The following KDM5A variants were observed in gnomAD, a reference collection of about 807,000 sequenced individuals.
KDM5A encodes the protein lysine demethylase 5A.
In KDM5A, 42 loss-of-function variants were observed where a neutral mutation model predicts 193.5. The observed-to-expected ratio is 0.22, with a 90% CI of 0.17 to 0.28. The LOEUF (loss-of-function observed/expected upper bound fraction) is 0.28, where lower values mean the gene tolerates loss of function less well. Among genes scored for constraint, KDM5A ranks in the 10% least tolerant of loss-of-function variants. The pLI, the probability that KDM5A is intolerant of heterozygous loss-of-function variation, is 1.00. For missense variants in KDM5A, 1,692 were observed against 2,055.1 expected, an observed-to-expected ratio of 0.82 and a Z score of 3.42; for synonymous variants, 796 against 718.1, an observed-to-expected ratio of 1.11 and a Z score of -1.73.
At chr12:384,814 C>T (rs1205146705) in intron 2 of KDM5A, among the ~76,000 whole-genome samples, 1 of 152,226 alleles carries the variant, frequency 6.6e-6, no homozygotes, top group Non-Finnish European at 1.5e-5. Context: ...GTAACATGCA[C>T]ACTTTAGGTG....
chr12:327,157 G>C (rs1295003954), intron 14 of KDM5A, among the ~76,000 whole-genome samples: 1 of 152,166 alleles, frequency 6.6e-6, no homozygotes, highest in Non-Finnish European at 1.5e-5. Flanking sequence ...TTAAAGAAGG[G>C]TCTATAGAGA....
At chr12:292,391 C>A (rs980760614) in intron 27 of KDM5A, among the ~76,000 whole-genome samples, 3 of 152,074 alleles carry the variant, frequency 2.0e-5, no homozygotes, top group Non-Finnish European at 4.4e-5. Context: ...TTTTTTCAGG[C>A]CATTGTGACT....
rs1943625777 is a variant in KDM5A, at chr12:314,431, G to A, written c.2898-1237C>T. Among the ~76,000 whole-genome samples, 4 of 152,008 alleles carry A rather than the reference G, an allele frequency of 2.6e-5. No individual in the cohort carries two copies. The South Asian group carries it at 6.2e-4, about 24-fold the overall frequency. On this transcript the variant is annotated intron_variant, in intron 19 of 27. Coordinates refer to ENST00000399788, the MANE Select transcript of KDM5A (RefSeq NM_001042603.3). ...AGGATGGTCTCCATCTCCTGACCTC[G>A]TGATTCTCCTGCCTCAGCCTCCCAA... is the stretch of plus-strand genomic sequence containing the variant.
intron 24 of KDM5A, among the ~76,000 whole-genome samples, chr12:298,667 C>T (rs146566687): frequency 6.6e-6 from 1 of 152,184 alleles, no homozygotes; most frequent in African/African-American, 2.4e-5. Flanking sequence ...ATCTCCTCGC[C>T]AGCAAAGGAA....
At chr12:381,782 G>C (rs560811345) in intron 3 of KDM5A, among the ~76,000 whole-genome samples, 1 of 150,790 alleles carries the variant, frequency 6.6e-6, no homozygotes, top group South Asian at 2.1e-4. Flanking sequence ...ATTTTAAAAT[G>C]TATCATAAAA....
At chr12:371,656 T>C (rs917525359) in intron 3 of KDM5A, among the ~76,000 whole-genome samples, 5 of 152,212 alleles carry the variant, frequency 3.3e-5, no homozygotes, top group African/African-American at 9.6e-5. Flanking sequence ...TTGCTTTTGG[T>C]GTTTTAGACA....
At chr12:331,785 T>C (rs369020951) in intron 13 of KDM5A, 34 bp downstream of exon 13, 152 of 1,612,952 alleles carry the variant, frequency 9.4e-5, no homozygotes, top group Middle Eastern at 1.6e-4. Flanking sequence ...GGGGGGTTAG[T>C]AGACGTACAA....
chr12:311,127 T>C, intron 20 of KDM5A, 63 bp from the exon 21 acceptor site: 1 of 1,440,858 alleles, frequency 6.9e-7, no homozygotes, highest in Non-Finnish European at 9.8e-7. Context: ...AATATACTGT[T>C]GAAAGACCTT....
chr12:350,629 C>G lies in KDM5A; in HGVS notation c.1300G>C (p.Glu434Gln), dbSNP rs777746609. ...VKDGRRKILP[E>Q]EEEYALSGWN... ...TTTGGATAAATCTGCACCTCTTCTTCTGGCAGAATCTTTCTCCGCCCATCC... is the reference window on the plus strand; with the variant it reads ...TTTGGATAAATCTGCACCTCTTCTTGTGGCAGAATCTTTCTCCGCCCATCC... Residue 434 changes from glutamate to glutamine, a missense_variant, in exon 10 of 28, where the codon GAA (glutamate) becomes CAA (glutamine). Glu to Gln is a conservative substitution (Grantham distance 29). Transcript: ENST00000399788. 1 of 1,613,998 alleles carries G rather than the reference C, an allele frequency of 6.2e-7. No individual in the cohort carries two copies. The highest frequency in any genetic ancestry group is 8.5e-7 in the Non-Finnish European group (1 of 1,179,974).
At chr12:290,501 AGAT>A (rs144750996) in intron 27 of KDM5A, among the ~76,000 whole-genome samples, 4,419 of 152,310 alleles carry the variant, frequency 0.029, 83 homozygotes, top group Middle Eastern at 0.044. Flanking sequence ...ATCAAAATGT[AGAT>A]GATAACTCTA....
intron 10 of KDM5A, among the ~76,000 whole-genome samples, chr12:337,803 C>T (rs993120433): frequency 3.3e-5 from 5 of 151,852 alleles, no homozygotes; most frequent in Admixed American, 1.3e-4. Context: ...CCACCATGCC[C>T]GGCTAATTTT....
intron 10 of KDM5A, among the ~76,000 whole-genome samples, chr12:336,956 T>G (rs138717229): frequency 6.6e-6 from 1 of 152,182 alleles, no homozygotes; most frequent in Non-Finnish European, 1.5e-5. Context: ...TGGATTGTGA[T>G]ATGGTTTGGA....
At chr12:287,763 A>T (rs1195443875) in intron 27 of KDM5A, among the ~76,000 whole-genome samples, 1 of 152,142 alleles carries the variant, frequency 6.6e-6, no homozygotes, top group East Asian at 1.9e-4. Flanking sequence ...TTCTTAATCC[A>T]GTCTAGTCCC....
chr12:329,773 A>T (rs990947908), intron 13 of KDM5A, among the ~76,000 whole-genome samples: 1 of 152,190 alleles, frequency 6.6e-6, no homozygotes, highest in Non-Finnish European at 1.5e-5. Context: ...ATCAAGCTAC[A>T]AACCAAATTA....
At chr12:350,998 C>T (rs1444618908) in intron 9 of KDM5A, among the ~76,000 whole-genome samples, 1 of 152,138 alleles carries the variant, frequency 6.6e-6, no homozygotes, top group Non-Finnish European at 1.5e-5. Context: ...CTGTGCTGCC[C>T]TTTTCCGAAA....
At chr12:316,238 T>A (rs1456061069) in intron 19 of KDM5A, among the ~76,000 whole-genome samples, 1 of 152,218 alleles carries the variant, frequency 6.6e-6, no homozygotes, top group Non-Finnish European at 1.5e-5. Context: ...TCTTTACCAG[T>A]TTTACTTTTT....
At chr12:297,345 T>C (rs1470579886) in intron 24 of KDM5A, 145 bp from the exon 25 acceptor site, 19 of 774,570 alleles carry the variant, frequency 2.5e-5, no homozygotes, top group South Asian at 3.3e-5. Flanking sequence ...TTAAATAAGA[T>C]AGAAAATGTC....
At chr12:369,614 C>T (rs767472822) in intron 3 of KDM5A, among the ~76,000 whole-genome samples, 5 of 152,086 alleles carry the variant, frequency 3.3e-5, no homozygotes, top group Non-Finnish European at 7.3e-5. Context: ...TAAGCAAAGA[C>T]TTGAAAGGAG....
intron 10 of KDM5A, among the ~76,000 whole-genome samples, chr12:347,796 A>G (rs1447961851): frequency 2.0e-5 from 3 of 152,244 alleles, no homozygotes; most frequent in African/African-American, 4.8e-5. Context: ...GTTAGACTTA[A>G]AACCATAAAA....
Sources: gnomAD v4.1 joint callset for allele counts (sites outside exome capture counted in the v4.1 genomes callset) on GRCh38, gnomAD v4.1.1 for gene constraint, MANE v1.5 for transcripts, NCBI Gene and HGNC (gene_info 2026-07-23, HGNC 2026-07-21) for gene names.